The following MOB1B variants were observed in gnomAD, a reference collection of about 807,000 sequenced individuals.
The protein encoded by MOB1B is MOB kinase activator 1B.
Under a neutral mutation model 24.4 loss-of-function variants are expected in MOB1B, and 19 were observed. That is an observed-to-expected ratio of 0.78 (90% confidence interval 0.54 to 1.14). The LOEUF is 1.14. Among genes scored for constraint, MOB1B ranks in the 50% most tolerant of loss-of-function variants. The pLI is 0.00. For synonymous variants in MOB1B, 76 were observed against 82.1 expected, an observed-to-expected ratio of 0.93 and a Z score of 0.40; for missense variants, 243 against 259.6, an observed-to-expected ratio of 0.94 and a Z score of 0.44.
chr4:70,966,770 G>A (rs1264126523), intron 2 of MOB1B, among the ~76,000 whole-genome samples: 2 of 151,902 alleles, frequency 1.3e-5, no homozygotes, highest in African/African-American at 4.8e-5. Context: ...TGGGAGGATT[G>A]TTTGAACCCA....
chr4:70,902,604 C>A, intron 1 of MOB1B, 54 bp downstream of exon 1: 5 of 1,418,236 alleles, frequency 3.5e-6, no homozygotes, highest in Non-Finnish European at 4.7e-6. Context: ...CCTGGGCCCC[C>A]GCCCGCCGCC....
At chr4:70,950,122 A>G (rs747004986) in intron 1 of MOB1B, among the ~76,000 whole-genome samples, 10 of 152,134 alleles carry the variant, frequency 6.6e-5, no homozygotes, top group Non-Finnish European at 5.9e-5. Flanking sequence ...GCATTGAGTA[A>G]TGTTGGGTAG....
In MOB1B at chr4:70,977,822, C is replaced by T. The variant is rs568385053; in HGVS notation, c.410-1306C>T. 1.2e-3 allele frequency among the ~76,000 whole-genome samples: 184 copies of T among 152,178 alleles called. 1 individual carries two copies. Among genetic ancestry groups the T allele is most frequent in the African/African-American group, 4.0e-3 (164 of 41,512 alleles). On this transcript the variant is annotated intron_variant, in intron 4 of 5. Coordinates refer to ENST00000309395, the MANE Select transcript of MOB1B (RefSeq NM_173468.4). ...CCTATCGCTTCAGCCTCCTAAGTAA[C>T]TGGGGCCGCAGGTATACACCACCAT... is the stretch of plus-strand genomic sequence containing the variant.
chr4:70,974,542 A>T (rs1738898505), intron 3 of MOB1B, among the ~76,000 whole-genome samples: 1 of 152,156 alleles, frequency 6.6e-6, no homozygotes, highest in African/African-American at 2.4e-5. Flanking sequence ...TGGAAGGTGC[A>T]TATTAGATGT....
intron 4 of MOB1B, among the ~76,000 whole-genome samples, chr4:70,978,722 A>G (rs1427409874): frequency 6.6e-6 from 1 of 152,230 alleles, no homozygotes; most frequent in East Asian, 1.9e-4. Flanking sequence ...GTACAATATA[A>G]ACTGCAAGCA....
intron 1 of MOB1B, among the ~76,000 whole-genome samples, chr4:70,924,735 G>A (rs1736582622): frequency 6.6e-6 from 1 of 152,162 alleles, no homozygotes; most frequent in Non-Finnish European, 1.5e-5. Flanking sequence ...GTGAGGACAT[G>A]TGGTGTTTGG....
At chr4:70,975,359 T>C in intron 4 of MOB1B, 73 bp downstream of exon 4, 2 of 1,573,654 alleles carry the variant, frequency 1.3e-6, no homozygotes, top group Non-Finnish European at 1.7e-6. Flanking sequence ...TCCTCCCTCT[T>C]TCCACTATAT....
At chr4:70,905,723 T>C (rs1414577154) in intron 1 of MOB1B, among the ~76,000 whole-genome samples, 1 of 152,080 alleles carries the variant, frequency 6.6e-6, no homozygotes, top group African/African-American at 2.4e-5. Context: ...GACTCATGAC[T>C]CTTGAGGGCT....
rs1222826025 is a variant in MOB1B at position 70,946,081 on chromosome 4, GTTC to G, written c.15-12790_15-12788del. Among the ~76,000 whole-genome samples, 421 of 85,092 alleles carry G rather than the reference GTTC, an allele frequency of 4.9e-3. 2 individuals carry two copies. The highest frequency in any genetic ancestry group is 8.4e-3 in the Admixed American group (60 of 7,154). The allele number at this position is 85,092 out of a possible 152,430, so 55.8% of individuals were successfully genotyped here. A position where few individuals can be genotyped will look rare whatever the true frequency, so the allele number is the denominator to read the frequency against. ...GCTTTGGCTAAGCTGGTTTTTGTTTGTTCTTTTTTTTTTTTTTTTTTTTTTGGC... is the reference window on the plus strand; with the variant it reads ...GCTTTGGCTAAGCTGGTTTTTGTTTGTTTTTTTTTTTTTTTTTTTTTTGGC... On this transcript the variant is annotated intron_variant, in intron 1 of 5. Transcript: ENST00000309395.
intron 1 of MOB1B, among the ~76,000 whole-genome samples, chr4:70,905,587 G>A (rs1009234678): frequency 1.3e-5 from 2 of 152,134 alleles, no homozygotes; most frequent in African/African-American, 4.8e-5. Flanking sequence ...GAGAAGGAAA[G>A]CGTTACAGCT....
intron 1 of MOB1B, among the ~76,000 whole-genome samples, chr4:70,955,146 T>C (rs943456698): frequency 3.9e-5 from 6 of 152,112 alleles, no homozygotes; most frequent in South Asian, 2.1e-4. Flanking sequence ...CAAGAAAACA[T>C]TGGAAGCCTA....
At chr4:70,949,227 A>G (rs1054710694) in intron 1 of MOB1B, among the ~76,000 whole-genome samples, 1 of 152,198 alleles carries the variant, frequency 6.6e-6, no homozygotes, top group Non-Finnish European at 1.5e-5. Context: ...CAGCCGAGTT[A>G]AGGATTTCTT....
intron 1 of MOB1B, among the ~76,000 whole-genome samples, chr4:70,951,135 A>G (rs1315987429): frequency 6.6e-6 from 1 of 152,142 alleles, no homozygotes; most frequent in African/African-American, 2.4e-5. Context: ...ATATATAGGT[A>G]TCTGGTACAG....
chr4:70,925,373 G>C (rs777618455), intron 1 of MOB1B, among the ~76,000 whole-genome samples: 4 of 152,160 alleles, frequency 2.6e-5, no homozygotes, highest in Non-Finnish European at 5.9e-5. Flanking sequence ...AAGTGGGAAT[G>C]TATTTGTAAG....
chr4:70,923,626 T>C (rs930182668), intron 1 of MOB1B, among the ~76,000 whole-genome samples: 2 of 152,092 alleles, frequency 1.3e-5, no homozygotes, highest in African/African-American at 4.8e-5. Flanking sequence ...AGGAGGAATA[T>C]TTTTTATGTA....
intron 1 of MOB1B, 130 bp from the exon 2 acceptor site, chr4:70,958,744 G>A: frequency 3.2e-6 from 3 of 935,802 alleles, no homozygotes; most frequent in Non-Finnish European, 5.2e-6. Flanking sequence ...TGGATGGAGA[G>A]CACAGTAGTT....
intron 1 of MOB1B, among the ~76,000 whole-genome samples, chr4:70,933,677 G>A (rs776909284): frequency 6.8e-6 from 1 of 147,346 alleles, no homozygotes; most frequent in Non-Finnish European, 1.5e-5. Context: ...TCAGCTTCCC[G>A]AGTAGCTGGG....
At chr4:70,916,510 A>G (rs1334667927) in intron 1 of MOB1B, among the ~76,000 whole-genome samples, 1 of 152,212 alleles carries the variant, frequency 6.6e-6, no homozygotes, top group African/African-American at 2.4e-5. Flanking sequence ...AGAACAAAGA[A>G]TGAGCTAAAG....
intron 4 of MOB1B, among the ~76,000 whole-genome samples, chr4:70,978,263 C>G (rs1352425459): frequency 6.6e-6 from 1 of 152,152 alleles, no homozygotes; most frequent in Non-Finnish European, 1.5e-5. Flanking sequence ...TGCAAGATCT[C>G]TTTTTGTAGC....
Sources: allele counts gnomAD v4.1 joint callset (sites outside exome capture counted in the v4.1 genomes callset), GRCh38; gene constraint gnomAD v4.1.1; transcripts MANE v1.5; gene names NCBI Gene and HGNC (gene_info 2026-07-23, HGNC 2026-07-21).